ASCC3: variants seen among roughly 807,000 people sequenced by gnomAD.
ASCC3 encodes activating signal cointegrator 1 complex subunit 3.
A neutral mutation model predicts 256.3 loss-of-function variants in ASCC3; 158 were observed. The observed-to-expected ratio is 0.62, with a 90% CI of 0.54 to 0.70. The LOEUF (loss-of-function observed/expected upper bound fraction) is 0.70. ASCC3 is among the 30% of genes least tolerant of loss of function. The pLI, the probability that ASCC3 is intolerant of heterozygous loss-of-function variation, is 0.00. For missense variants in ASCC3, 2,259 were observed against 2,626.0 expected, an observed-to-expected ratio of 0.86 and a Z score of 3.05; for synonymous variants, 948 against 883.4, an observed-to-expected ratio of 1.07 and a Z score of -1.30.
chr6:100,619,623 G>GA (rs1172296069), intron 30 of ASCC3, among the ~76,000 whole-genome samples: 1 of 152,154 alleles, frequency 6.6e-6, no homozygotes, highest in Non-Finnish European at 1.5e-5. Flanking sequence ...GTATGGTAGA[G>GA]AAAATGAATC....
intron 34 of ASCC3, among the ~76,000 whole-genome samples, chr6:100,594,007 C>T (rs1339843812): frequency 1.3e-5 from 2 of 151,774 alleles, no homozygotes; most frequent in Non-Finnish European, 2.9e-5. Context: ...TGCATATATA[C>T]ATAATATACA....
intron 30 of ASCC3, among the ~76,000 whole-genome samples, chr6:100,623,119 T>C (rs1202454030): frequency 6.6e-6 from 1 of 152,102 alleles, no homozygotes; most frequent in Non-Finnish European, 1.5e-5. Context: ...TGTATATCTA[T>C]TTTTCATCAT....
At chr6:100,758,517 C>T (rs750826496) in intron 10 of ASCC3, among the ~76,000 whole-genome samples, 4 of 152,164 alleles carry the variant, frequency 2.6e-5, no homozygotes, top group African/African-American at 9.7e-5. Flanking sequence ...TATTAGTCTG[C>T]TGAGGATGAT....
At chr6:100,676,201 A>G (rs1410773728) in intron 14 of ASCC3, among the ~76,000 whole-genome samples, 1 of 152,138 alleles carries the variant, frequency 6.6e-6, no homozygotes, top group Non-Finnish European at 1.5e-5. Context: ...ACTAGTATAT[A>G]TATTTTCTAA....
chr6:100,707,210 G>A (rs1778627739), intron 13 of ASCC3, among the ~76,000 whole-genome samples: 1 of 151,620 alleles, frequency 6.6e-6, no homozygotes. Flanking sequence ...TGTCTTGCTG[G>A]GACACAAAAA....
At position 100,647,473 on chromosome 6, in the gene ASCC3, T is replaced by C. The variant is rs775558943; in HGVS notation, c.3253-22A>G. 11 of 1,586,008 alleles carry C rather than the reference T, an allele frequency of 6.9e-6. No homozygotes were observed. The Admixed American group carries it at 1.0e-4, about 14-fold the overall frequency. On this transcript the variant is annotated intron_variant, in intron 20 of 41. Transcript: ENST00000369162. ...CATTCTAAAAAATTATAGGAGGAGA[T>C]TGGTGGTTATACCCAATGTGCTTTT...
chr6:100,691,400 G>A (rs912293839), intron 13 of ASCC3, among the ~76,000 whole-genome samples: 2 of 151,908 alleles, frequency 1.3e-5, no homozygotes, highest in Admixed American at 6.6e-5. Flanking sequence ...TTAAGCATAT[G>A]TATTTTTTGG....
intron 36 of ASCC3, 54 bp from the exon 37 acceptor site, chr6:100,540,441 A>T: frequency 7.1e-7 from 1 of 1,402,798 alleles, no homozygotes; most frequent in East Asian, 2.3e-5. Context: ...TAATTAATGT[A>T]CTTCTTAGCT....
At chr6:100,576,198 C>A (rs1770848492) in intron 36 of ASCC3, among the ~76,000 whole-genome samples, 1 of 151,978 alleles carries the variant, frequency 6.6e-6, no homozygotes, top group East Asian at 1.9e-4. Flanking sequence ...CTTACTAATT[C>A]ATGGTGTTAG....
At chr6:100,823,833 G>A (rs1162251855) in intron 4 of ASCC3, among the ~76,000 whole-genome samples, 1 of 151,964 alleles carries the variant, frequency 6.6e-6, no homozygotes, top group African/African-American at 2.4e-5. Context: ...TCTCAAGAAA[G>A]GTAATCCTCA....
intron 14 of ASCC3, among the ~76,000 whole-genome samples, chr6:100,677,228 C>A (rs1020703557): frequency 2.0e-5 from 3 of 151,926 alleles, no homozygotes; most frequent in African/African-American, 7.3e-5. Context: ...AGAAAGATGA[C>A]CTTATCTTTT....
At chr6:100,852,868 G>A (rs996103737) in intron 3 of ASCC3, among the ~76,000 whole-genome samples, 2 of 151,952 alleles carry the variant, frequency 1.3e-5, no homozygotes, top group Non-Finnish European at 2.9e-5. Context: ...TATTTAAAAG[G>A]ATGCACTTAG....
At chr6:100,838,840 G>T (rs185969270) in intron 4 of ASCC3, among the ~76,000 whole-genome samples, 389 of 151,282 alleles carry the variant, frequency 2.6e-3, no homozygotes, top group African/African-American at 9.3e-3. Flanking sequence ...CATTATGTGT[G>T]TATGTATGTA....
chr6:100,712,613 G>T (rs987780794), intron 13 of ASCC3, among the ~76,000 whole-genome samples: 4 of 152,080 alleles, frequency 2.6e-5, no homozygotes, highest in African/African-American at 9.7e-5. Flanking sequence ...AAAACCAAAT[G>T]CTGGCAAGGA....
chr6:100,642,733 G>C lies in ASCC3; in HGVS notation c.3749C>G (p.Ala1250Gly), dbSNP rs762055081. The C allele has an allele frequency of 6.2e-7, 1 of 1,613,328 alleles. No individual in the cohort carries two copies. ...AGGGATTGTAAATACCAGTAGTTGG[G>C]CTTCTTTACTAATGACCTAATATGA... ...ALKKQVISKE[A>G]QLLVFTIPIF... The change falls in exon 24 of 42, where the codon GCC (alanine) becomes GGC (glycine). Residue 1250 changes from alanine to glycine, a missense_variant. By Grantham distance (60) the Ala-to-Gly change is moderately conservative. This residue lies in a region of ASCC3 where 1,839 missense variants were observed against 2,206.7 expected (regional missense o/e 0.83). Transcript: ENST00000369162.
chr6:100,879,631 A>T (rs928656381), intron 1 of ASCC3, among the ~76,000 whole-genome samples: 1 of 151,872 alleles, frequency 6.6e-6, no homozygotes, highest in Non-Finnish European at 1.5e-5. Flanking sequence ...GACTGGAAAG[A>T]AACTGATTTC....
intron 13 of ASCC3, among the ~76,000 whole-genome samples, chr6:100,714,583 G>A (rs1488152533): frequency 1.3e-5 from 2 of 152,064 alleles, no homozygotes; most frequent in African/African-American, 2.4e-5. Flanking sequence ...CAATTGGTCA[G>A]TAAGTATAAG....
chr6:100,553,918 T>C (rs568499727), intron 36 of ASCC3, among the ~76,000 whole-genome samples: 69 of 152,154 alleles, frequency 4.5e-4, no homozygotes, highest in Non-Finnish European at 8.5e-4. Flanking sequence ...TTACTGGGGA[T>C]ATACACTATT....
intron 13 of ASCC3, among the ~76,000 whole-genome samples, chr6:100,688,515 G>A (rs897826493): frequency 4.6e-5 from 7 of 152,184 alleles, no homozygotes; most frequent in East Asian, 1.9e-4. Flanking sequence ...CTACGTGGAA[G>A]AGATGAACAT....
Sources: allele counts gnomAD v4.1 joint callset (sites outside exome capture counted in the v4.1 genomes callset), GRCh38; gene constraint gnomAD v4.1.1; regional missense constraint gnomAD v4.1.1; transcripts MANE v1.5; gene names NCBI Gene and HGNC (gene_info 2026-07-23, HGNC 2026-07-21).